The following NCAM1 variants were observed in gnomAD, a reference collection of about 807,000 sequenced individuals.
NCAM1 encodes neural cell adhesion molecule 1.
In NCAM1, 14 loss-of-function variants were observed where a neutral mutation model predicts 109.8. That is an observed-to-expected ratio of 0.13 (90% confidence interval 0.08 to 0.20). The LOEUF (loss-of-function observed/expected upper bound fraction) is 0.20. Among genes scored for constraint, NCAM1 ranks in the 10% least tolerant of loss-of-function variants. The pLI is 1.00. For synonymous variants in NCAM1, 418 were observed against 442.9 expected, an observed-to-expected ratio of 0.94 and a Z score of 0.70; for missense variants, 774 against 1,109.9, an observed-to-expected ratio of 0.70 and a Z score of 4.30.
chr11:113,001,645 A>G (rs1212902122), intron 1 of NCAM1, among the ~76,000 whole-genome samples: 1 of 152,148 alleles, frequency 6.6e-6, no homozygotes, highest in Non-Finnish European at 1.5e-5. Context: ...TGAAAGCTGC[A>G]CTGATACCTA....
At chr11:113,196,229 G>A (rs181623320) in intron 1 of NCAM1, among the ~76,000 whole-genome samples, 261 of 152,132 alleles carry the variant, frequency 1.7e-3, no homozygotes, top group Non-Finnish European at 2.9e-3. Context: ...CAATCCAATC[G>A]CATTTGTTCG....
chr11:113,029,928 GTA>G (rs1364970937), intron 1 of NCAM1, among the ~76,000 whole-genome samples: 10 of 152,326 alleles, frequency 6.6e-5, no homozygotes, highest in Non-Finnish European at 1.3e-4. Flanking sequence ...TGGAAAAAGT[GTA>G]GGCTGGGGAC....
chr11:113,200,543 C>T (rs1244499177), intron 1 of NCAM1, among the ~76,000 whole-genome samples: 7 of 152,168 alleles, frequency 4.6e-5, no homozygotes, highest in East Asian at 1.9e-4. Flanking sequence ...ATCACCTACC[C>T]GGAGCCAGGA....
chr11:113,259,050 ATTTTT>A (rs558552786), intron 16 of NCAM1, among the ~76,000 whole-genome samples: 1 of 134,076 alleles, frequency 7.5e-6, no homozygotes. Flanking sequence ...AATAGTTTTC[ATTTTT>A]TTTTTTTTTT....
rs548803548 is a variant in NCAM1 at position 113,058,711 on chromosome 11, C to T, written c.52+97047C>T. On this transcript the variant is annotated intron_variant, in intron 1 of 19. Transcript: ENST00000316851. ...AAAAACTATTAAGAGTAGAGTCAGT[C>T]GCTTGTCCATTTCTGCTTCTTCATG... Among the ~76,000 whole-genome samples, 10 of 152,280 alleles carry T rather than the reference C, an allele frequency of 6.6e-5. No homozygotes were observed. In the East Asian group the frequency reaches 1.2e-3, roughly 18 times the overall value.
rs1453410143 is a variant in NCAM1 at position 113,273,835 on chromosome 11, G to A, written c.2457-1432G>A. 3.8e-6 allele frequency: 1 copy of A among 265,846 alleles called. No individual in the cohort carries two copies. The highest frequency in any genetic ancestry group is 3.2e-5 in the South Asian group (1 of 31,506). 16.5% of individuals were successfully genotyped at this position (265,846 alleles called of 1,614,324 possible). ...GTGCTGTGTCCTCCTTGTTAGATGT[G>A]TCTTCAGCCTCATCCAGGGCTTCTC... On this transcript the variant is annotated intron_variant, in intron 19 of 19. Transcript: ENST00000316851. The surrounding 1 kb of genome is among the most constrained non-coding windows in gnomAD (Gnocchi z 6.0).
intron 1 of NCAM1, among the ~76,000 whole-genome samples, chr11:113,077,489 G>A (rs1247312653): frequency 1.3e-5 from 2 of 152,096 alleles, no homozygotes; most frequent in Non-Finnish European, 2.9e-5. Context: ...CAGAGTATCA[G>A]CCTGCTTTGT....
chr11:113,244,322 T>C (rs181525349), intron 14 of NCAM1, among the ~76,000 whole-genome samples: 2 of 152,338 alleles, frequency 1.3e-5, no homozygotes, highest in East Asian at 3.9e-4. Context: ...TGTCTTTAAT[T>C]TTTAAACATC....
chr11:113,268,607 A>G (rs1555124733), intron 17 of NCAM1, among the ~76,000 whole-genome samples: 1 of 152,178 alleles, frequency 6.6e-6, no homozygotes, highest in African/African-American at 2.4e-5. Flanking sequence ...ACCAGTGGAG[A>G]GGGACAGCCA....
chr11:113,189,427 G>A lies in NCAM1; in HGVS notation c.53-12952G>A, dbSNP rs552043347. ...ATCATGCCACTGCAGTCTGGCCTGGGTGACAGAGCGAGATTCTGTCTCAAA... is the reference window on the plus strand; with the variant it reads ...ATCATGCCACTGCAGTCTGGCCTGGATGACAGAGCGAGATTCTGTCTCAAA... On this transcript the variant is annotated intron_variant, in intron 1 of 19. Transcript: ENST00000316851. Among the ~76,000 whole-genome samples the A allele has an allele frequency of 6.6e-4, 96 of 145,870 alleles. 1 individual carries two copies. The highest frequency in any genetic ancestry group is 1.3e-3 in the Non-Finnish European group (87 of 66,970).
rs182955297 is a variant in NCAM1 at position 113,246,474 on chromosome 11, T to G, written c.1828+104T>G. The G allele has an allele frequency of 7.2e-4, 496 of 686,382 alleles. 1 individual carries two copies. In the African/African-American group the frequency reaches 8.1e-3, roughly 11 times the overall value. The allele number at this position is 686,382 out of a possible 1,614,324, so 42.5% of individuals were successfully genotyped here. ...CTCAGATTTCCTAAGCAAAGCCATT[T>G]GAGAGATTTCCTCTTGTTCTCAATT... is the stretch of plus-strand genomic sequence containing the variant. On this transcript the variant is annotated intron_variant, in intron 15 of 19. Transcript: ENST00000316851.
At chr11:112,979,969 C>T (rs577408920) in intron 1 of NCAM1, among the ~76,000 whole-genome samples, 1 of 151,872 alleles carries the variant, frequency 6.6e-6, no homozygotes, top group East Asian at 1.9e-4. Context: ...TGCGACACCC[C>T]TTCAGGATGA....
At chr11:113,271,519 A>T (rs1386877164) in intron 18 of NCAM1, among the ~76,000 whole-genome samples, 1 of 152,082 alleles carries the variant, frequency 6.6e-6, no homozygotes, top group African/African-American at 2.4e-5. Flanking sequence ...TTGAATTCTC[A>T]TAACTAGGCA....
At chr11:113,236,291 G>A in intron 14 of NCAM1, 1 of 1,613,478 alleles carries the variant, frequency 6.2e-7, no homozygotes, top group South Asian at 1.1e-5. Flanking sequence ...TCCATCCATG[G>A]GAAATGCAGA....
At chr11:113,067,003 CAA>C (rs34002848) in intron 1 of NCAM1, among the ~76,000 whole-genome samples, 7 of 103,668 alleles carry the variant, frequency 6.8e-5, no homozygotes, top group East Asian at 2.8e-4. Context: ...GAACCCCTCT[CAA>C]AAAAAAAAAA....
chr11:113,232,183 A>G lies in NCAM1; in HGVS notation c.1254A>G (p.Leu418=). The G allele has an allele frequency of 6.2e-7, 1 of 1,601,054 alleles. No individual in the cohort carries two copies. The stretch of plus-strand genomic sequence containing the variant: ...TATTTATTGCAGATGCCCCAAAGCT[A>G]CAGGGCCCTGTGGCTGTGTACACTT... ...MYLEVQYAPK[L]QGPVAVYTWE... The change falls in exon 11 of 20, where the codon CTA becomes CTG. Residue 418 remains leucine, a synonymous_variant. Coordinates refer to ENST00000316851, the MANE Select transcript of NCAM1 (RefSeq NM_181351.5).
At chr11:113,031,421 A>G (rs2086602854) in intron 1 of NCAM1, among the ~76,000 whole-genome samples, 1 of 152,170 alleles carries the variant, frequency 6.6e-6, no homozygotes, top group Admixed American at 6.5e-5. Context: ...GCCAGGCACG[A>G]TGGCTCATAC....
chr11:113,113,176 T>C (rs17114864), intron 1 of NCAM1, among the ~76,000 whole-genome samples: 12,527 of 152,184 alleles, frequency 0.082, 691 homozygotes, highest in East Asian at 0.12. Flanking sequence ...TCCAATTAGC[T>C]ACCGTGTTTC....
chr11:113,237,400 G>A (rs1214310688), intron 14 of NCAM1, among the ~76,000 whole-genome samples: 11 of 152,204 alleles, frequency 7.2e-5, no homozygotes, highest in African/African-American at 2.7e-4. Context: ...CAAAAACTAA[G>A]TAGCTACATG....
Sources: gnomAD v4.1 joint callset for allele counts (sites outside exome capture counted in the v4.1 genomes callset) on GRCh38, gnomAD v4.1.1 for gene constraint, Gnocchi (gnomAD v3.1) non-coding constraint, MANE v1.5 for transcripts, NCBI Gene and HGNC (gene_info 2026-07-23, HGNC 2026-07-21) for gene names.